GNG7: variants seen among roughly 807,000 people sequenced by gnomAD.
The protein encoded by GNG7 is guanine nucleotide-binding protein G(I)/G(S)/G(O) subunit gamma-7.
A neutral mutation model predicts 4.0 loss-of-function variants in GNG7; 1 was observed. That is an observed-to-expected ratio of 0.25 (90% CI 0.09 to 1.18). GNG7 has a LOEUF of 1.18. GNG7 is among the 50% of genes most tolerant of loss of function. GNG7 has a pLI of 0.50. For missense variants in GNG7, 86 were observed against 91.9 expected, an observed-to-expected ratio of 0.94 and a Z score of 0.26; for synonymous variants, 34 against 36.9, an observed-to-expected ratio of 0.92 and a Z score of 0.29.
Position 2,550,818 on chromosome 19 carries a change from G to A in GNG7, c.-38+4331C>T, listed in dbSNP as rs79944480. Among the ~76,000 whole-genome samples, 489 of 152,326 alleles carry A rather than the reference G, an allele frequency of 3.2e-3. 5 individuals carry two copies. Among genetic ancestry groups the A allele is most frequent in the African/African-American group, 0.011 (463 of 41,578 alleles). ...GATCCTAGGAGAACTAAAGGAATTGGAGCAGTGGACCTGGCCTGCAGGGGG... is the reference window on the plus strand; with the variant it reads ...GATCCTAGGAGAACTAAAGGAATTGAAGCAGTGGACCTGGCCTGCAGGGGG... On this transcript the variant is annotated intron_variant, in intron 3 of 4. Coordinates refer to ENST00000382159, the MANE Select transcript of GNG7 (RefSeq NM_052847.3).
intron 2 of GNG7, among the ~76,000 whole-genome samples, chr19:2,622,936 C>T (rs1981922299): frequency 6.6e-6 from 1 of 152,256 alleles, no homozygotes; most frequent in African/African-American, 2.4e-5. Context: ...ACCCCGGGCA[C>T]GGCCACTGAT....
At chr19:2,548,630 A>G (rs1255841032) in intron 3 of GNG7, among the ~76,000 whole-genome samples, 1 of 151,362 alleles carries the variant, frequency 6.6e-6, no homozygotes, top group Non-Finnish European at 1.5e-5. Context: ...CTCTACTAAA[A>G]ATACAAAAAT....
intron 2 of GNG7, among the ~76,000 whole-genome samples, chr19:2,604,889 G>C (rs887487405): frequency 2.6e-5 from 4 of 152,192 alleles, no homozygotes; most frequent in African/African-American, 9.7e-5. Context: ...CTGAAATCCT[G>C]GGATGAACTA....
intron 2 of GNG7, among the ~76,000 whole-genome samples, chr19:2,597,853 G>A (rs1041843023): frequency 1.4e-4 from 20 of 147,772 alleles, no homozygotes; most frequent in African/African-American, 2.5e-4. Flanking sequence ...CCGAGATTGC[G>A]CCACTGCACT....
chr19:2,543,999 T>C (rs1452524136), intron 3 of GNG7, among the ~76,000 whole-genome samples: 1 of 150,782 alleles, frequency 6.6e-6, no homozygotes, highest in Non-Finnish European at 1.5e-5. Context: ...CTCTCACCCC[T>C]CCAAACCTCT....
At chr19:2,696,152 G>A (rs563551390) in intron 1 of GNG7, among the ~76,000 whole-genome samples, 3 of 146,252 alleles carry the variant, frequency 2.1e-5, no homozygotes, top group East Asian at 4.0e-4. Flanking sequence ...GCAAGACTCC[G>A]TCAAAAAAAA....
intron 3 of GNG7, among the ~76,000 whole-genome samples, chr19:2,550,163 TGCA>T (rs1487854392): frequency 6.6e-6 from 1 of 152,138 alleles, no homozygotes; most frequent in African/African-American, 2.4e-5. Context: ...GTGGGTAGAA[TGCA>T]GCAGAAGGAG....
intron 2 of GNG7, among the ~76,000 whole-genome samples, chr19:2,579,711 G>A (rs1345180480): frequency 1.3e-5 from 2 of 152,220 alleles, no homozygotes; most frequent in African/African-American, 2.4e-5. Flanking sequence ...CACCCCCACG[G>A]ACAGGGGCTT....
chr19:2,562,759 T>C (rs372155594), intron 2 of GNG7, among the ~76,000 whole-genome samples: 1 of 152,020 alleles, frequency 6.6e-6, no homozygotes, highest in Non-Finnish European at 1.5e-5. Context: ...AGACTCTGCG[T>C]CCATAATCCT....
At chr19:2,562,968 A>T (rs140384120) in intron 2 of GNG7, among the ~76,000 whole-genome samples, 3,625 of 152,020 alleles carry the variant, frequency 0.024, 99 homozygotes, top group East Asian at 0.099. Context: ...TTTTTGAGAC[A>T]GAGTCTCGCT....
chr19:2,667,966 T>G (rs1983352320), intron 1 of GNG7, among the ~76,000 whole-genome samples: 1 of 151,984 alleles, frequency 6.6e-6, no homozygotes, highest in South Asian at 2.1e-4. Context: ...TGAAAAACTG[T>G]CACAGGCCAG....
intron 4 of GNG7, among the ~76,000 whole-genome samples, chr19:2,515,435 T>A (rs1432771668): frequency 5.8e-4 from 2 of 3,464 alleles, no homozygotes; most frequent in Non-Finnish European, 8.9e-4. Context: ...ATTTCTTTCT[T>A]TTTTTTTTTT....
chr19:2,568,510 T>C (rs924474553), intron 2 of GNG7, among the ~76,000 whole-genome samples: 3 of 148,112 alleles, frequency 2.0e-5, no homozygotes, highest in African/African-American at 7.3e-5. Context: ...AGGGTCTCTG[T>C]GTGTGCACAT....
At chr19:2,665,514 T>A (rs996715901) in intron 1 of GNG7, among the ~76,000 whole-genome samples, 4 of 152,160 alleles carry the variant, frequency 2.6e-5, no homozygotes, top group South Asian at 2.1e-4. Context: ...ACGAACGGAT[T>A]TCTATTTCCC....
At chr19:2,683,950 G>A (rs369612888) in intron 1 of GNG7, among the ~76,000 whole-genome samples, 11 of 152,244 alleles carry the variant, frequency 7.2e-5, no homozygotes, top group South Asian at 4.1e-4. Context: ...CCAGGGGGCC[G>A]AGCTGCAAAA....
intron 1 of GNG7, among the ~76,000 whole-genome samples, chr19:2,692,694 T>G (rs1481564834): frequency 6.7e-6 from 1 of 148,962 alleles, no homozygotes; most frequent in Non-Finnish European, 1.5e-5. Flanking sequence ...AAAGGTCAAA[T>G]GAACAATGAA....
chr19:2,679,738 G>A (rs186618408), intron 1 of GNG7, among the ~76,000 whole-genome samples: 2 of 152,242 alleles, frequency 1.3e-5, no homozygotes, highest in East Asian at 3.9e-4. Context: ...CCTCAAAGCA[G>A]GACAGAATTT....
intron 1 of GNG7, among the ~76,000 whole-genome samples, chr19:2,672,039 A>C (rs1224268312): frequency 2.0e-5 from 2 of 102,376 alleles, no homozygotes; most frequent in Non-Finnish European, 3.8e-5. Flanking sequence ...TGACAGAGTG[A>C]GACTCCGTCT....
At chr19:2,629,122 CTG>C (rs1982094641) in intron 2 of GNG7, among the ~76,000 whole-genome samples, 1 of 152,200 alleles carries the variant, frequency 6.6e-6, no homozygotes, top group South Asian at 2.1e-4. Flanking sequence ...GCATCAGGCT[CTG>C]TGCAAGGCAC....
Sources: gnomAD v4.1 joint callset for allele counts (sites outside exome capture counted in the v4.1 genomes callset) on GRCh38, gnomAD v4.1.1 for gene constraint, MANE v1.5 for transcripts, NCBI Gene and HGNC (gene_info 2026-07-23, HGNC 2026-07-21) for gene names.